APP: variants seen among roughly 807,000 people sequenced by gnomAD.
APP encodes amyloid beta precursor protein.
A neutral mutation model predicts 101.4 loss-of-function variants in APP; 31 were observed. That is an observed-to-expected ratio of 0.31 (90% CI 0.23 to 0.41). APP has a LOEUF of 0.41. Ranked by LOEUF, APP falls within the 10% of genes least tolerant of loss-of-function variation. The probability of loss-of-function intolerance (pLI) is 1.00; values close to 1 mark genes in which losing one functional copy is unlikely to be tolerated. For synonymous variants in APP, 366 were observed against 364.4 expected (o/e 1.00, Z -0.05); for missense variants, 839 against 1,003.7 (o/e 0.84, Z 2.22).
intron 8 of APP, among the ~76,000 whole-genome samples, chr21:25,985,338 G>A (rs1410679109): frequency 1.3e-5 from 2 of 152,166 alleles, no homozygotes; most frequent in Non-Finnish European, 2.9e-5. Flanking sequence ...GGGTGCTTCT[G>A]GATGAGATTA....
chr21:25,948,097 G>GA (rs1250607588), intron 13 of APP, among the ~76,000 whole-genome samples: 1 of 146,874 alleles, frequency 6.8e-6, no homozygotes, highest in East Asian at 2.0e-4. Context: ...CATTTCTTAT[G>GA]AAAAACAAAG....
chr21:26,127,777 T>C (rs2062714231), intron 1 of APP, among the ~76,000 whole-genome samples: 1 of 152,264 alleles, frequency 6.6e-6, no homozygotes, highest in Non-Finnish European at 1.5e-5. Context: ...CCTCACAGGA[T>C]ATTATGAGGA....
At chr21:25,995,615 G>A (rs898446816) in intron 8 of APP, among the ~76,000 whole-genome samples, 2 of 152,106 alleles carry the variant, frequency 1.3e-5, no homozygotes, top group African/African-American at 4.8e-5. Context: ...GAAAATGCTC[G>A]GTACAATGCA....
At chr21:26,045,166 A>G (rs577410667) in intron 5 of APP, among the ~76,000 whole-genome samples, 1 of 152,350 alleles carries the variant, frequency 6.6e-6, no homozygotes, top group East Asian at 1.9e-4. Context: ...CCAAACTTGA[A>G]AACATTTTAT....
At chr21:26,100,718 G>GCTTTGTGCAGGCACTGCTGTA (rs1601459922) in intron 2 of APP, among the ~76,000 whole-genome samples, 5 of 152,322 alleles carry the variant, frequency 3.3e-5, no homozygotes, top group African/African-American at 1.2e-4. Flanking sequence ...GCACTGCTGT[G>GCTTTGTGCAGGCACTGCTGTA]CTTTGTTTGC....
At chr21:26,170,472 C>CT in intron 1 of APP, 92 bp downstream of exon 1, 1 of 1,361,308 alleles carries the variant, frequency 7.3e-7, no homozygotes, top group Non-Finnish European at 1.0e-6. Flanking sequence ...GGACCCCCGG[C>CT]TTCTCTGCAT....
At position 25,900,378 on chromosome 21, in the gene APP, CAAAAAAAAAAAAA is replaced by C. The variant is rs60231150; in HGVS notation, c.1964-2718_1964-2706del. Among the ~76,000 whole-genome samples, 271 of 59,472 alleles carry C rather than the reference CAAAAAAAAAAAAA, an allele frequency of 4.6e-3. 1 individual carries two copies. The highest frequency in any genetic ancestry group is 0.013 in the African/African-American group (252 of 19,004). 39.0% of individuals were successfully genotyped at this position (59,472 alleles called of 152,430 possible). ...TGAAACCCTGTCTCTACTAAAAATACAAAAAAAAAAAAAAAAAAAAAAAAAAAAAAATTAGCCA... is the reference window on the plus strand; with the variant it reads ...TGAAACCCTGTCTCTACTAAAAATACAAAAAAAAAAAAAAAAAATTAGCCA... On this transcript the variant is annotated intron_variant, in intron 15 of 17. Coordinates refer to ENST00000346798, the MANE Select transcript of APP (RefSeq NM_000484.4).
At chr21:25,974,642 T>A (rs1388659443) in intron 11 of APP, among the ~76,000 whole-genome samples, 1 of 152,260 alleles carries the variant, frequency 6.6e-6, no homozygotes, top group African/African-American at 2.4e-5. Context: ...CTTCTCAGCC[T>A]CTGCAACTGT....
At chr21:26,109,725 T>C (rs369147572) in intron 2 of APP, among the ~76,000 whole-genome samples, 2,929 of 5,864 alleles carry the variant, frequency 0.5, 95 homozygotes, top group African/African-American at 0.51. Flanking sequence ...AGAAGAGTAA[T>C]TTTTGGTATG....
chr21:26,053,144 T>G, intron 4 of APP, 92 bp downstream of exon 4: 1 of 935,714 alleles, frequency 1.1e-6, no homozygotes, highest in Non-Finnish European at 1.8e-6. Context: ...CTTATCAACA[T>G]AGCTGTTGCC....
chr21:26,032,688 T>C (rs1278023347), intron 5 of APP, among the ~76,000 whole-genome samples: 2 of 152,182 alleles, frequency 1.3e-5, no homozygotes, highest in Non-Finnish European at 2.9e-5. Flanking sequence ...CTTAAATGTA[T>C]ACTTATGACA....
intron 11 of APP, among the ~76,000 whole-genome samples, chr21:25,958,159 T>A (rs1256689963): frequency 1.3e-5 from 2 of 152,128 alleles, no homozygotes; most frequent in Non-Finnish European, 2.9e-5. Context: ...GGCCTTGGCA[T>A]TACTACTTCA....
chr21:26,057,493 A>G (rs967288974), intron 3 of APP, among the ~76,000 whole-genome samples: 3 of 152,058 alleles, frequency 2.0e-5, no homozygotes, highest in Non-Finnish European at 4.4e-5. Flanking sequence ...ACACACACAC[A>G]CACACACCCA....
At chr21:26,091,916 T>C (rs2061834660) in intron 2 of APP, among the ~76,000 whole-genome samples, 1 of 152,186 alleles carries the variant, frequency 6.6e-6, no homozygotes, top group African/African-American at 2.4e-5. Flanking sequence ...CTGAGCAAGA[T>C]AACATCCATG....
At chr21:26,077,806 C>T (rs1364116419) in intron 3 of APP, among the ~76,000 whole-genome samples, 1 of 151,562 alleles carries the variant, frequency 6.6e-6, no homozygotes, top group Non-Finnish European at 1.5e-5. Context: ...ACAGACACTC[C>T]TGGGATGCAT....
chr21:26,122,732 GAAGATTTTAATAAAATTTTTTTATTAA>G (rs1410277483), intron 1 of APP, among the ~76,000 whole-genome samples: 20 of 145,384 alleles, frequency 1.4e-4, no homozygotes, highest in African/African-American at 2.2e-4. Context: ...TTTTTTATTA[GAAGATTTTAATAAAATTTTTTTATTAA>G]AAGATTTTAA....
intron 1 of APP, among the ~76,000 whole-genome samples, chr21:26,118,911 T>C (rs558696170): frequency 1.3e-5 from 2 of 152,158 alleles, no homozygotes; most frequent in South Asian, 2.1e-4. Context: ...AAAATATATA[T>C]ATAGTATTTG....
chr21:25,987,171 T>A (rs1241529261), intron 8 of APP, among the ~76,000 whole-genome samples: 1 of 152,178 alleles, frequency 6.6e-6, no homozygotes, highest in Non-Finnish European at 1.5e-5. Flanking sequence ...CCAAACACTA[T>A]CTGGCAAATC....
chr21:26,033,977 G>A (rs1163912511), intron 5 of APP, among the ~76,000 whole-genome samples: 2 of 152,130 alleles, frequency 1.3e-5, no homozygotes, highest in East Asian at 1.9e-4. Context: ...CCGCTGGAGA[G>A]GCATACAGCA....
Sources: allele counts gnomAD v4.1 joint callset (sites outside exome capture counted in the v4.1 genomes callset), GRCh38; gene constraint gnomAD v4.1.1; transcripts MANE v1.5; gene names NCBI Gene and HGNC (gene_info 2026-07-23, HGNC 2026-07-21).